Variants in PPIAL4G observed in about 807,000 individuals in gnomAD.
PPIAL4G encodes peptidylprolyl isomerase A like 4G.
In PPIAL4G, 3 loss-of-function variants were observed where a neutral mutation model predicts 7.8. That is an observed-to-expected ratio of 0.39 (90% CI 0.18 to 1.00). The LOEUF is 1.00. Among genes scored for constraint, PPIAL4G ranks in the 50% least tolerant of loss-of-function variants. The pLI is 0.37. For missense variants in PPIAL4G, 133 were observed against 208.6 expected (o/e 0.64, Z 2.23); for synonymous variants, 42 against 73.3 (o/e 0.57, Z 2.18).
In PPIAL4G at chr1:148,483,064, C is replaced by T. The variant is rs1366909648; in HGVS notation, c.189G>A (p.Gln63=). 38 of 1,613,240 alleles carry T rather than the reference C, an allele frequency of 2.4e-5. No individual in the cohort carries two copies. The highest frequency in any genetic ancestry group is 1.1e-4 in the East Asian group (5 of 44,896). The change falls in exon 1 of 1, where the codon CAG becomes CAA. Residue 63 remains glutamine (Q), a synonymous_variant. Transcript: ENST00000419275. ...CATTAGGGTGTGTGAAGTCACCACC[C>T]TGACACATAAACCCTGGAATAATTC... ...FHRIIPGFMC[Q]GGDFTHPNGT...
Position 148,483,172 on chromosome 1 carries a change from G to C in PPIAL4G, c.81C>G (p.Asp27Glu), listed in dbSNP as rs1375006869. 1 of 1,613,756 alleles carries C rather than the reference G, an allele frequency of 6.2e-7. No individual in the cohort carries two copies. The highest frequency in any genetic ancestry group is 8.5e-7 in the Non-Finnish European group (1 of 1,179,890). Residue 27 changes from aspartate (D) to glutamate (E), a missense_variant, in exon 1 of 1, where the codon GAC becomes GAG. Physicochemically the swap from Asp to Glu is conservative, Grantham distance 45. Around this residue, in one of 2 missense-constraint regions of PPIAL4G, gnomAD observed 105 missense variants for 107.1 expected, o/e 0.98. Coordinates refer to ENST00000419275, the MANE Select transcript of PPIAL4G (RefSeq NM_001123068.3). ...AGTTTTCTGCTGTCTTTGGAATCTT[G>C]TCTGCAAACTGTTTGATGGAGATGC... ...LGRISIKQFA[D>E]KIPKTAENFR...
Position 148,482,811 on chromosome 1 carries a change from T to C in PPIAL4G, c.442A>G (p.Arg148Gly). The change falls in exon 1 of 1, where the codon AGG becomes GGG. Residue 148 changes from arginine to glycine, a missense_variant. Transcript: ENST00000419275. ...IVEAMEHFGYRNSKTSKKITI... is the reference protein window; with the variant it reads ...IVEAMEHFGYGNSKTSKKITI... ...ATCTTCTTGCTGGTCTTGCTATTCC[T>C]GTACCCAAAGTGCTCCATGGCTTCC... The C allele has an allele frequency of 1.4e-6, 2 of 1,408,710 alleles. No homozygotes were observed. The highest frequency in any genetic ancestry group is 2.0e-6 in the Non-Finnish European group (2 of 1,023,502). 87.3% of individuals were successfully genotyped at this position (1,408,710 alleles called of 1,614,324 possible).
rs1236540006 is a variant in PPIAL4G, at chr1:148,482,667, G to C, written c.*91C>G. 1 of 814,474 alleles carries C rather than the reference G, an allele frequency of 1.2e-6. No homozygotes were observed. Among genetic ancestry groups the C allele is most frequent in the Non-Finnish European group, 1.9e-6 (1 of 522,270 alleles). The allele number at this position is 814,474 out of a possible 1,614,324, so 50.5% of individuals were successfully genotyped here. On this transcript the variant is annotated 3_prime_UTR_variant, in exon 1 of 1. Transcript: ENST00000419275. The stretch of plus-strand genomic sequence containing the variant: ...CTGCAGCAAGAGCACAAAGATTCTA[G>C]GATATTGCAAGCAAATGTGGTGGAG...
rs1164596895 is a variant in PPIAL4G at position 148,483,056 on chromosome 1, T to A, written c.197A>T (p.Asp66Val). Residue 66 changes from aspartate to valine, a missense_variant, in exon 1 of 1, where the codon GAC becomes GTC. Physicochemically the swap from Asp to Val is radical, Grantham distance 152 (BLOSUM62 -3). Around this residue, in one of 2 missense-constraint regions of PPIAL4G, gnomAD observed 105 missense variants for 107.1 expected, o/e 0.98. Transcript: ENST00000419275. ...IIPGFMCQGG[D>V]FTHPNGTGDK... Reference sequence around the variant, plus strand: ...ACCGGTGCCATTAGGGTGTGTGAAGTCACCACCCTGACACATAAACCCTGG... The same window carrying A: ...ACCGGTGCCATTAGGGTGTGTGAAGACACCACCCTGACACATAAACCCTGG... The A allele has an allele frequency of 1.1e-5, 17 of 1,613,320 alleles. No individual in the cohort carries two copies. Among genetic ancestry groups the A allele is most frequent in the Non-Finnish European group, 1.4e-5 (17 of 1,179,868 alleles).
chr1:148,482,602 G>A lies in PPIAL4G; in HGVS notation c.*156C>T, dbSNP rs1651901860. ...AAACTTAACTCTGCAATCCAGCTAG[G>A]CATGGAAGGGAACAAGGAAAACATG... On this transcript the variant is annotated 3_prime_UTR_variant, in exon 1 of 1. Coordinates refer to ENST00000419275, the MANE Select transcript of PPIAL4G (RefSeq NM_001123068.3). The A allele has an allele frequency of 4.0e-6, 5 of 1,264,494 alleles. No individual in the cohort carries two copies. Among genetic ancestry groups the A allele is most frequent in the Non-Finnish European group, 4.3e-6 (4 of 922,898 alleles). The allele number at this position is 1,264,494 out of a possible 1,614,324, so 78.3% of individuals were successfully genotyped here.
rs1553845652 is a variant in PPIAL4G at position 148,483,276 on chromosome 1, C to A, written c.-24G>T. The A allele has an allele frequency of 1.7e-5, 27 of 1,612,996 alleles. No homozygotes were observed. The highest frequency in any genetic ancestry group is 1.7e-5 in the Non-Finnish European group (20 of 1,179,910). On this transcript the variant is annotated 5_prime_UTR_variant, in exon 1 of 1. Coordinates refer to ENST00000419275, the MANE Select transcript of PPIAL4G (RefSeq NM_001123068.3). ...ATGGCTGATAGTACAGGGCTCACAGCGATGGCGGCGTCTGCAAAGATAACC... is the reference window on the plus strand; with the variant it reads ...ATGGCTGATAGTACAGGGCTCACAGAGATGGCGGCGTCTGCAAAGATAACC...
At position 148,483,181 on chromosome 1, in the gene PPIAL4G, C is replaced by G. The variant is rs1477570288; in HGVS notation, c.72G>C (p.Gln24His). 65 of 1,613,800 alleles carry G rather than the reference C, an allele frequency of 4.0e-5. No homozygotes were observed. Among genetic ancestry groups the G allele is most frequent in the African/African-American group, 5.3e-5 (4 of 74,912 alleles). Residue 24 changes from glutamine to histidine, a missense_variant, in exon 1 of 1, where the codon CAG (glutamine) becomes CAC (histidine). By Grantham distance (24) the Gln-to-His change is conservative. Around this residue, in one of 2 missense-constraint regions of PPIAL4G, gnomAD observed 105 missense variants for 107.1 expected, o/e 0.98. Transcript: ENST00000419275. ...CTGTCTTTGGAATCTTGTCTGCAAA[C>G]TGTTTGATGGAGATGCGGCCCAAGG... ...GKPLGRISIK[Q>H]FADKIPKTAE...
rs1651932432 is a variant in PPIAL4G, at chr1:148,483,176, G to A, written c.77C>T (p.Ala26Val). The change falls in exon 1 of 1, where the codon GCA (alanine) becomes GTA (valine). Residue 26 changes from alanine to valine, a missense_variant. Transcript: ENST00000419275. ...TTCTGCTGTCTTTGGAATCTTGTCT[G>A]CAAACTGTTTGATGGAGATGCGGCC... ...PLGRISIKQF[A>V]DKIPKTAENF... 2 of 1,613,904 alleles carry A rather than the reference G, an allele frequency of 1.2e-6. No homozygotes were observed. Among genetic ancestry groups the A allele is most frequent in the Middle Eastern group, 1.7e-4 (1 of 5,964 alleles).
chr1:148,483,208 C>A lies in PPIAL4G; in HGVS notation c.45G>T (p.Lys15Asn). The change falls in exon 1 of 1, where the codon AAG becomes AAT. Residue 15 changes from lysine to asparagine, a missense_variant. Coordinates refer to ENST00000419275, the MANE Select transcript of PPIAL4G (RefSeq NM_001123068.3). ...GTTTGATGGAGATGCGGCCCAAGGGCTTGCCGTCGACGGTGATGTCAAAAA... is the reference window on the plus strand; with the variant it reads ...GTTTGATGGAGATGCGGCCCAAGGGATTGCCGTCGACGGTGATGTCAAAAA... ...VIFFDITVDGKPLGRISIKQF... is the reference protein window; with the variant it reads ...VIFFDITVDGNPLGRISIKQF... 1.2e-6 allele frequency: 2 copies of A among 1,613,864 alleles called. No homozygotes were observed. The highest frequency in any genetic ancestry group is 3.4e-4 in the Middle Eastern group (2 of 5,962).
chr1:148,483,219 C>T lies in PPIAL4G; in HGVS notation c.34G>A (p.Val12Ile), dbSNP rs587649576. Residue 12 changes from valine (V) to isoleucine (I), a missense_variant, in exon 1 of 1, where the codon GTC becomes ATC. Coordinates refer to ENST00000419275, the MANE Select transcript of PPIAL4G (RefSeq NM_001123068.3). ...VNSVIFFDIT[V>I]DGKPLGRISI... is the part of the protein sequence containing the mutation. ...ATGCGGCCCAAGGGCTTGCCGTCGA[C>T]GGTGATGTCAAAAAAGATGACGGAG... 4.2e-5 allele frequency: 67 copies of T among 1,613,786 alleles called. No homozygotes were observed. The East Asian group carries it at 6.2e-4, about 15-fold the overall frequency.
chr1:148,483,181 C>A lies in PPIAL4G; in HGVS notation c.72G>T (p.Gln24His), dbSNP rs1477570288. 6.2e-7 allele frequency: 1 copy of A among 1,613,918 alleles called. No individual in the cohort carries two copies. The highest frequency in any genetic ancestry group is 1.1e-5 in the South Asian group (1 of 91,074). ...GKPLGRISIK[Q>H]FADKIPKTAE... ...CTGTCTTTGGAATCTTGTCTGCAAA[C>A]TGTTTGATGGAGATGCGGCCCAAGG... Residue 24 changes from glutamine to histidine, a missense_variant, in exon 1 of 1, where the codon CAG becomes CAT. Gln to His is a conservative substitution (Grantham distance 24). This residue lies in a region of PPIAL4G where 105 missense variants were observed against 107.1 expected (regional missense o/e 0.98). Transcript: ENST00000419275.
rs1651922612 is a variant in PPIAL4G, at chr1:148,483,009, TC to T, written c.243del (p.Lys82AsnfsTer51). 1.5e-5 allele frequency: 24 copies of T among 1,612,520 alleles called. No individual in the cohort carries two copies. The Admixed American group carries it at 3.8e-4, about 26-fold the overall frequency. ...CGGATGAGGTTCTCATCATCAAATT[TC>T]TCCCCATAGATGGACTTGTCACCGG... The part of the protein sequence containing the change: ...NGTGDKSIYG[E>X]KFDDENLIRK... On this transcript the variant is annotated frameshift_variant, in exon 1 of 1. Transcript: ENST00000419275. LOFTEE classifies it high-confidence loss of function.
In PPIAL4G at chr1:148,483,276, C is replaced by T. The variant is rs1553845652; in HGVS notation, c.-24G>A. On this transcript the variant is annotated 5_prime_UTR_variant, in exon 1 of 1. Coordinates refer to ENST00000419275, the MANE Select transcript of PPIAL4G (RefSeq NM_001123068.3). ...ATGGCTGATAGTACAGGGCTCACAG[C>T]GATGGCGGCGTCTGCAAAGATAACC... The T allele has an allele frequency of 6.3e-5, 102 of 1,613,114 alleles. 1 individual carries two copies. The South Asian group carries it at 6.9e-4, about 11-fold the overall frequency.
Position 148,482,693 on chromosome 1 carries a change from G to A in PPIAL4G, c.*65C>T. The A allele has an allele frequency of 1.3e-6, 1 of 778,646 alleles. No individual in the cohort carries two copies. Among genetic ancestry groups the A allele is most frequent in the East Asian group, 2.6e-5 (1 of 37,792 alleles). The allele number at this position is 778,646 out of a possible 1,614,324, so 48.2% of individuals were successfully genotyped here. A position where few individuals can be genotyped will look rare whatever the true frequency, so the allele number is the denominator to read the frequency against. Reference sequence around the variant, plus strand: ...GATATTGCAAGCAAATGTGGTGGAGGGGTGCTCTCCTGAGCTACAGAAGGA... The same window carrying A: ...GATATTGCAAGCAAATGTGGTGGAGAGGTGCTCTCCTGAGCTACAGAAGGA... On this transcript the variant is annotated 3_prime_UTR_variant, in exon 1 of 1. Transcript: ENST00000419275.
rs1225835994 is a variant in PPIAL4G, at chr1:148,483,211, G to A, written c.42C>T (p.Gly14=). 5.0e-6 allele frequency: 8 copies of A among 1,613,742 alleles called. No individual in the cohort carries two copies. The highest frequency in any genetic ancestry group is 6.8e-6 in the Non-Finnish European group (8 of 1,179,878). Residue 14 remains glycine, a synonymous_variant, in exon 1 of 1, where the codon GGC becomes GGT. Coordinates refer to ENST00000419275, the MANE Select transcript of PPIAL4G (RefSeq NM_001123068.3). ...SVIFFDITVD[G]KPLGRISIKQ... ...TGATGGAGATGCGGCCCAAGGGCTTGCCGTCGACGGTGATGTCAAAAAAGA... is the reference window on the plus strand; with the variant it reads ...TGATGGAGATGCGGCCCAAGGGCTTACCGTCGACGGTGATGTCAAAAAAGA...
rs1453290552 is a variant in PPIAL4G at position 148,483,186 on chromosome 1, T to G, written c.67A>C (p.Lys23Gln). 2.5e-6 allele frequency: 4 copies of G among 1,613,778 alleles called. No individual in the cohort carries two copies. The East Asian group carries it at 8.9e-5, about 36-fold the overall frequency. The change falls in exon 1 of 1, where the codon AAA becomes CAA. Residue 23 changes from lysine (K) to glutamine (Q), a missense_variant. Coordinates refer to ENST00000419275, the MANE Select transcript of PPIAL4G (RefSeq NM_001123068.3). ...DGKPLGRISI[K>Q]QFADKIPKTA... ...TTTGGAATCTTGTCTGCAAACTGTT[T>G]GATGGAGATGCGGCCCAAGGGCTTG... is the stretch of plus-strand genomic sequence containing the variant.
chr1:148,482,550 G>A lies in PPIAL4G; in HGVS notation c.*208C>T, dbSNP rs1205219105. 1 of 791,426 alleles carries A rather than the reference G, an allele frequency of 1.3e-6. No individual in the cohort carries two copies. The highest frequency in any genetic ancestry group is 2.0e-6 in the Non-Finnish European group (1 of 512,552). The allele number at this position is 791,426 out of a possible 1,614,324, so 49.0% of individuals were successfully genotyped here. On this transcript the variant is annotated 3_prime_UTR_variant, in exon 1 of 1. Coordinates refer to ENST00000419275, the MANE Select transcript of PPIAL4G (RefSeq NM_001123068.3). Reference sequence around the variant, plus strand: ...ACTGAGCTTTTTTGTTGTTGTTGTTGTTACTTAGTTTTTATTTCATAATCA... The same window carrying A: ...ACTGAGCTTTTTTGTTGTTGTTGTTATTACTTAGTTTTTATTTCATAATCA...
Position 148,483,201 on chromosome 1 carries a change from C to T in PPIAL4G, c.52G>A (p.Gly18Ser). ...FDITVDGKPL[G>S]RISIKQFADK... The stretch of plus-strand genomic sequence containing the variant: ...GCAAACTGTTTGATGGAGATGCGGC[C>T]CAAGGGCTTGCCGTCGACGGTGATG... Residue 18 changes from glycine to serine, a missense_variant, in exon 1 of 1, where the codon GGC (glycine) becomes AGC (serine). Gly to Ser is a moderately conservative substitution (Grantham distance 56, BLOSUM62 0). Transcript: ENST00000419275. 1 of 1,613,792 alleles carries T rather than the reference C, an allele frequency of 6.2e-7. No homozygotes were observed. Among genetic ancestry groups the T allele is most frequent in the South Asian group, 1.1e-5 (1 of 91,064 alleles).
Position 148,483,121 on chromosome 1 carries a change from T to C in PPIAL4G, c.132A>G (p.Lys44=), listed in dbSNP as rs1651929606. Residue 44 remains lysine, a synonymous_variant, in exon 1 of 1, where the codon AAA becomes AAG. Transcript: ENST00000419275. The part of the protein sequence containing the change: ...ENFRALSTGE[K]GFRYKGSCFH... The stretch of plus-strand genomic sequence containing the variant: ...AGCAGGAACCCTTATAACGAAATCC[T>C]TTCTCTCCAGTGCTCAGAGCACGAA... 1 of 1,613,536 alleles carries C rather than the reference T, an allele frequency of 6.2e-7. No homozygotes were observed. Among genetic ancestry groups the C allele is most frequent in the African/African-American group, 1.3e-5 (1 of 74,914 alleles).
Sources: allele counts gnomAD v4.1 joint callset, GRCh38; gene constraint gnomAD v4.1.1; regional missense constraint gnomAD v4.1.1; transcripts MANE v1.5; gene names NCBI Gene and HGNC (gene_info 2026-07-23, HGNC 2026-07-21).